The following COL4A2 variants were observed in gnomAD, a reference collection of about 807,000 sequenced individuals.
COL4A2 encodes collagen type IV alpha 2 chain, also known as collagen alpha-2(IV) chain.
In COL4A2, 99 loss-of-function variants were observed where a neutral mutation model predicts 200.2. The observed-to-expected ratio is 0.49, with a 90% CI of 0.42 to 0.58. The LOEUF (loss-of-function observed/expected upper bound fraction) is 0.58, where lower values mean the gene tolerates loss of function less well. Ranked by LOEUF, COL4A2 falls within the 20% of genes least tolerant of loss-of-function variation. The pLI is 0.00. For missense variants in COL4A2, 1,950 were observed against 2,314.1 expected, an observed-to-expected ratio of 0.84 and a Z score of 3.23; for synonymous variants, 897 against 900.6, an observed-to-expected ratio of 1.00 and a Z score of 0.07.
chr13:110,334,153 C>T (rs1227311430), intron 3 of COL4A2, among the ~76,000 whole-genome samples: 1 of 152,242 alleles, frequency 6.6e-6, no homozygotes, highest in Admixed American at 6.5e-5. Flanking sequence ...AAAAAATGTA[C>T]AATATGACGC....
intron 4 of COL4A2, among the ~76,000 whole-genome samples, chr13:110,416,422 A>G (rs930983397): frequency 6.6e-6 from 1 of 152,246 alleles, no homozygotes; most frequent in Admixed American, 6.5e-5. Context: ...CTATTACACA[A>G]TGATTCACAT....
At chr13:110,340,799 C>T (rs532878209) in intron 3 of COL4A2, among the ~76,000 whole-genome samples, 2 of 152,172 alleles carry the variant, frequency 1.3e-5, no homozygotes, top group Non-Finnish European at 2.9e-5. Context: ...TCGCTTGCTT[C>T]AGGCTCTGCA....
chr13:110,396,274 G>A (rs937215392), intron 4 of COL4A2, among the ~76,000 whole-genome samples: 6 of 152,310 alleles, frequency 3.9e-5, no homozygotes, highest in East Asian at 1.9e-4. Context: ...CTGGGGATTT[G>A]TGTGACTGAA....
At position 110,493,073 on chromosome 13, in the gene COL4A2, ACC is replaced by A; in HGVS notation, c.3563-134_3563-133del. On this transcript the variant is annotated intron_variant, in intron 38 of 47. Coordinates refer to ENST00000360467, the MANE Select transcript of COL4A2 (RefSeq NM_001846.4). ...CACAGGTGAAATAACGATGAGTGAC[ACC>A]CCCATGGGTGAAATAACGATGAGTG... 106 of 853,292 alleles carry A rather than the reference ACC, an allele frequency of 1.2e-4. 8 individuals carry two copies. The highest frequency in any genetic ancestry group is 3.1e-4 in the South Asian group (22 of 71,560). 52.9% of individuals were successfully genotyped at this position (853,292 alleles called of 1,614,324 possible). A position where few individuals can be genotyped will look rare whatever the true frequency, so the allele number is the denominator to read the frequency against.
chr13:110,357,206 C>G lies in COL4A2; in HGVS notation c.100-266C>G, dbSNP rs571554394. 4.9e-4 allele frequency among the ~76,000 whole-genome samples: 74 copies of G among 152,224 alleles called. 1 individual carries two copies. The South Asian group carries it at 0.015, about 31-fold the overall frequency. On this transcript the variant is annotated intron_variant, in intron 3 of 47. Transcript: ENST00000360467. Reference sequence around the variant, plus strand: ...GCATACAGGTTGGTTCCAACCTGTACATCCTGGTGCAGGATGTCGATGGTG... The same window carrying G: ...GCATACAGGTTGGTTCCAACCTGTAGATCCTGGTGCAGGATGTCGATGGTG...
intron 3 of COL4A2, among the ~76,000 whole-genome samples, chr13:110,318,631 G>A (rs1885205266): frequency 6.6e-6 from 1 of 152,170 alleles, no homozygotes; most frequent in Non-Finnish European, 1.5e-5. Context: ...GTTGGTGCGA[G>A]TATTCAACTC....
chr13:110,482,421 A>G, intron 31 of COL4A2, 95 bp from the exon 32 acceptor site: 1 of 1,336,626 alleles, frequency 7.5e-7, no homozygotes, highest in Non-Finnish European at 1.1e-6. Flanking sequence ...TTCTCACTTG[A>G]GTTACATTGC....
At chr13:110,439,095 G>A (rs1881027056) in intron 15 of COL4A2, among the ~76,000 whole-genome samples, 1 of 152,206 alleles carries the variant, frequency 6.6e-6, no homozygotes, top group Admixed American at 6.5e-5. Context: ...GGGTCGGGAA[G>A]GGGTCACCGT....
Position 110,508,012 on chromosome 13 carries a change from G to C in COL4A2, c.4672G>C (p.Ala1558Pro). Residue 1558 changes from alanine (A) to proline (P), a missense_variant, in exon 47 of 48, where the codon GCC becomes CCC. Physicochemically the swap from Ala to Pro is conservative, Grantham distance 27. Around this residue, in one of 2 missense-constraint regions of COL4A2, gnomAD observed 1,385 missense variants for 1,720.5 expected, o/e 0.80. Coordinates refer to ENST00000360467, the MANE Select transcript of COL4A2 (RefSeq NM_001846.4). This position sits in a 1 kb window ranked among gnomAD's most constrained non-coding sequence, Gnocchi z 6.1. ...YCNPGDVCYY[A>P]SRNDKSYWLS... ...CAACCCTGGTGATGTCTGCTACTAT[G>C]CCAGCCGGAACGACAAGTCCTACTG... 1 of 1,614,230 alleles carries C rather than the reference G, an allele frequency of 6.2e-7. No individual in the cohort carries two copies. Among genetic ancestry groups the C allele is most frequent in the East Asian group, 2.2e-5 (1 of 44,888 alleles).
chr13:110,429,907 A>G lies in COL4A2; in HGVS notation c.500A>G (p.Gln167Arg), dbSNP rs1212158888. Reference protein sequence around the residue: ...GPPGPQGPKGQKGEPYALPKE... With the variant: ...GPPGPQGPKGRKGEPYALPKE... ...TAGGGGCCCCAAGGACCAAAAGGGC[A>G]GAAAGGTGAGCCTTATGCACTGCCT... The change falls in exon 8 of 48, where the codon CAG becomes CGG. Residue 167 changes from glutamine (Q) to arginine (R), a missense_variant. Transcript: ENST00000360467. The G allele has an allele frequency of 6.2e-7, 1 of 1,613,166 alleles. No individual in the cohort carries two copies. Among genetic ancestry groups the G allele is most frequent in the Non-Finnish European group, 8.5e-7 (1 of 1,179,684 alleles).
intron 46 of COL4A2, chr13:110,507,725 A>C (rs2139559687): frequency 1.7e-6 from 1 of 600,614 alleles, no homozygotes; most frequent in Non-Finnish European, 3.0e-6. Context: ...GTAGAAGAAC[A>C]GAGCTGTTCC....
chr13:110,449,802 C>T lies in COL4A2; in HGVS notation c.1189+13C>T. The stretch of plus-strand genomic sequence containing the variant: ...ATCGGAGATGGAGGTAATGTGGCTT[C>T]ATAATATCAACACCGGAGACCCAAA... On this transcript the variant is annotated intron_variant, in intron 19 of 47. Transcript: ENST00000360467. 1 of 1,546,094 alleles carries T rather than the reference C, an allele frequency of 6.5e-7. No individual in the cohort carries two copies. Among genetic ancestry groups the T allele is most frequent in the Non-Finnish European group, 8.7e-7 (1 of 1,146,124 alleles).
chr13:110,364,827 T>A (rs777481427), intron 4 of COL4A2, among the ~76,000 whole-genome samples: 1 of 152,188 alleles, frequency 6.6e-6, no homozygotes, highest in Non-Finnish European at 1.5e-5. Context: ...GGATGTTCAG[T>A]ATGGTAACTG....
At chr13:110,347,394 T>G (rs1482162721) in intron 3 of COL4A2, among the ~76,000 whole-genome samples, 3 of 152,288 alleles carry the variant, frequency 2.0e-5, no homozygotes, top group African/African-American at 7.2e-5. Context: ...AAGGGTGCCA[T>G]CATCCTCCCT....
intron 45 of COL4A2, among the ~76,000 whole-genome samples, chr13:110,505,360 AAG>A (rs1238293153): frequency 6.6e-6 from 1 of 152,160 alleles, no homozygotes; most frequent in Non-Finnish European, 1.5e-5. Flanking sequence ...AAAAAAAAAA[AAG>A]AAAATTAAAC....
At position 110,465,405 on chromosome 13, in the gene COL4A2, G is replaced by A. The variant is rs1882198280; in HGVS notation, c.1777G>A (p.Gly593Ser). Residue 593 changes from glycine (G) to serine (S), a missense_variant and splice_region_variant, in exon 25 of 48, where the codon GGT (glycine) becomes AGT (serine). Coordinates refer to ENST00000360467, the MANE Select transcript of COL4A2 (RefSeq NM_001846.4). ...DGFPGLPGPP[G>S]DGIKGPPGDP... ...AGAAATAAACTGAATTTTCACACAG[G>A]GTGATGGCATCAAGGGCCCTCCAGG... 1.2e-6 allele frequency: 2 copies of A among 1,604,430 alleles called. No individual in the cohort carries two copies. The highest frequency in any genetic ancestry group is 1.1e-5 in the South Asian group (1 of 89,354).
chr13:110,339,589 A>G (rs879872733), intron 3 of COL4A2, among the ~76,000 whole-genome samples: 1 of 152,204 alleles, frequency 6.6e-6, no homozygotes, highest in Non-Finnish European at 1.5e-5. Flanking sequence ...AGGGGAAAAA[A>G]AACAAAAACA....
Position 110,307,921 on chromosome 13 carries a change from C to G in COL4A2, c.18C>G (p.Arg6=). 2 of 1,612,876 alleles carry G rather than the reference C, an allele frequency of 1.2e-6. No individual in the cohort carries two copies. The highest frequency in any genetic ancestry group is 1.3e-5 in the African/African-American group (1 of 75,058). The change falls in exon 2 of 48, where the codon CGC becomes CGG. Residue 6 remains arginine, a synonymous_variant. Coordinates refer to ENST00000360467, the MANE Select transcript of COL4A2 (RefSeq NM_001846.4). The surrounding 1 kb of genome is among the most constrained non-coding windows in gnomAD (Gnocchi z 5.0). ...CCGCCAGCATGGGGAGAGACCAGCG[C>G]GCGGTGGCCGGCCCTGCCCTACGGC... The part of the protein sequence containing the change: MGRDQ[R]AVAGPALRRW...
intron 4 of COL4A2, among the ~76,000 whole-genome samples, chr13:110,367,518 A>G (rs1888003): frequency 0.77 from 116,514 of 152,232 alleles, 44,912 homozygotes; most frequent in Middle Eastern, 0.9. Context: ...TTACTTTTAA[A>G]AAAATGCACT....
Sources: gnomAD v4.1 joint callset for allele counts (sites outside exome capture counted in the v4.1 genomes callset) on GRCh38, gnomAD v4.1.1 for gene constraint, gnomAD v4.1.1 regional missense constraint, Gnocchi (gnomAD v3.1) non-coding constraint, MANE v1.5 for transcripts, NCBI Gene and HGNC (gene_info 2026-07-23, HGNC 2026-07-21) for gene names.